The following MACROD2 variants were observed in gnomAD, a reference collection of about 807,000 sequenced individuals.
The protein encoded by MACROD2 is mono-ADP ribosylhydrolase 2, also known as ADP-ribose glycohydrolase MACROD2.
MACROD2 carries 36 observed loss-of-function variants against 70.4 expected under a neutral mutation model. The ratio of observed to expected loss-of-function variants is 0.51; its 90% confidence interval spans 0.39 to 0.68. The LOEUF is 0.68. Among genes scored for constraint, MACROD2 ranks in the 30% least tolerant of loss-of-function variants. The pLI, the probability that MACROD2 is intolerant of heterozygous loss-of-function variation, is 0.00. For missense variants in MACROD2, 496 were observed against 538.4 expected (o/e 0.92, Z 0.78); for synonymous variants, 172 against 178.8 (o/e 0.96, Z 0.30).
chr20:15,991,236 C>CT (rs1192327546), intron 15 of MACROD2, among the ~76,000 whole-genome samples: 2 of 152,178 alleles, frequency 1.3e-5, no homozygotes, highest in African/African-American at 2.4e-5. Context: ...TGGGAAACAT[C>CT]TTTTTTTGCA....
At chr20:15,968,795 G>A (rs2066181030) in intron 13 of MACROD2, among the ~76,000 whole-genome samples, 5 of 69,756 alleles carry the variant, frequency 7.2e-5, no homozygotes, top group African/African-American at 9.5e-5. Flanking sequence ...TATATATTAT[G>A]CGTATATATA....
At chr20:15,202,614 A>G (rs1223160427) in intron 5 of MACROD2, among the ~76,000 whole-genome samples, 1 of 152,240 alleles carries the variant, frequency 6.6e-6, no homozygotes, top group South Asian at 2.1e-4. Context: ...AGCATATAAA[A>G]GAAAGGAAAG....
intron 5 of MACROD2, among the ~76,000 whole-genome samples, chr20:15,058,770 C>T (rs1344308617): frequency 6.6e-6 from 1 of 152,050 alleles, no homozygotes; most frequent in Non-Finnish European, 1.5e-5. Context: ...AAAATGTAAC[C>T]ATCTGTCCAA....
chr20:14,348,259 A>C (rs1261506582), intron 3 of MACROD2, among the ~76,000 whole-genome samples: 3 of 128,190 alleles, frequency 2.3e-5, no homozygotes, highest in Admixed American at 8.7e-5. Flanking sequence ...TCAGAGCAAG[A>C]CTCCGTCTCA....
At chr20:14,358,077 A>T (rs1388593226) in intron 3 of MACROD2, among the ~76,000 whole-genome samples, 1 of 152,248 alleles carries the variant, frequency 6.6e-6, no homozygotes, top group Non-Finnish European at 1.5e-5. Context: ...CATTTTAAAA[A>T]GCAAAGACCA....
chr20:14,358,071 T>G (rs1055630872), intron 3 of MACROD2, among the ~76,000 whole-genome samples: 20 of 152,232 alleles, frequency 1.3e-4, no homozygotes, highest in African/African-American at 4.8e-4. Context: ...ATTGTTCATT[T>G]TAAAAAGCAA....
At position 15,872,952 on chromosome 20, in the gene MACROD2, A is replaced by T. The variant is rs182320570; in HGVS notation, c.727+10126A>T. 3.3e-5 allele frequency among the ~76,000 whole-genome samples: 5 copies of T among 152,292 alleles called. No homozygotes were observed. In the East Asian group the frequency reaches 7.7e-4, roughly 24 times the overall value. ...TCACATCATTATGAATTCTTCCATA[A>T]CTTAATTTTAATAGACCCAAAGTTT... On this transcript the variant is annotated intron_variant, in intron 9 of 17. Coordinates refer to ENST00000684519, the MANE Select transcript of MACROD2 (RefSeq NM_001351661.2).
intron 6 of MACROD2, among the ~76,000 whole-genome samples, chr20:15,389,179 G>A (rs2045759222): frequency 6.6e-6 from 1 of 152,078 alleles, no homozygotes; most frequent in African/African-American, 2.4e-5. Context: ...CAAGAACCTA[G>A]GGTTGCCAGA....
intron 4 of MACROD2, among the ~76,000 whole-genome samples, chr20:14,568,748 A>G (rs1401797761): frequency 6.6e-6 from 1 of 152,046 alleles, no homozygotes; most frequent in African/African-American, 2.4e-5. Flanking sequence ...GGGCAAGGAA[A>G]TATTATGCTT....
rs371187202 is a variant in MACROD2, at chr20:14,485,515, C to A, written c.272-7964C>A. On this transcript the variant is annotated intron_variant, in intron 3 of 17. Transcript: ENST00000684519. ...GGGAAATCAGGATCATCCTGGCTAACACGGTGAAACCCCGTCTCTACTAAA... is the reference window on the plus strand; with the variant it reads ...GGGAAATCAGGATCATCCTGGCTAAAACGGTGAAACCCCGTCTCTACTAAA... 9.9e-5 allele frequency among the ~76,000 whole-genome samples: 15 copies of A among 152,084 alleles called. 1 individual carries two copies. The East Asian group carries it at 1.5e-3, about 16-fold the overall frequency.
At chr20:15,446,945 T>C (rs2046573952) in intron 7 of MACROD2, among the ~76,000 whole-genome samples, 1 of 152,178 alleles carries the variant, frequency 6.6e-6, no homozygotes, top group Non-Finnish European at 1.5e-5. Flanking sequence ...AACAGTGATA[T>C]GCATCGAGTG....
chr20:15,832,626 A>G (rs1351320633), intron 8 of MACROD2, among the ~76,000 whole-genome samples: 2 of 152,242 alleles, frequency 1.3e-5, no homozygotes, highest in Non-Finnish European at 2.9e-5. Flanking sequence ...GGCTTCTGTC[A>G]GTTATTCATG....
rs1389805148 is a variant in MACROD2, at chr20:15,046,797, T to A, written c.419-183143T>A. Among the ~76,000 whole-genome samples the A allele has an allele frequency of 1.3e-5, 2 of 152,200 alleles. 1 individual carries two copies. The highest frequency in any genetic ancestry group is 2.9e-5 in the Non-Finnish European group (2 of 68,022). On this transcript the variant is annotated intron_variant, in intron 5 of 17. Transcript: ENST00000684519. ...CTGTCTACTCTTTCCACGCCTAGGT[T>A]ATAAATTACTCAGTTGTAGCTATTA...
intron 4 of MACROD2, among the ~76,000 whole-genome samples, chr20:14,640,033 C>A (rs755672452): frequency 5.3e-5 from 8 of 152,120 alleles, no homozygotes; most frequent in African/African-American, 9.7e-5. Context: ...TTTTTTGGTA[C>A]TTCGGGGTTA....
chr20:15,999,168 T>A (rs2066675101), intron 15 of MACROD2, among the ~76,000 whole-genome samples: 1 of 152,184 alleles, frequency 6.6e-6, no homozygotes, highest in African/African-American at 2.4e-5. Context: ...CTGCATCTTG[T>A]AAGTTTTGTT....
chr20:14,847,243 G>A (rs1423041014), intron 5 of MACROD2, among the ~76,000 whole-genome samples: 3 of 152,100 alleles, frequency 2.0e-5, no homozygotes, highest in African/African-American at 4.8e-5. Context: ...GTTTAGGAAC[G>A]TGCTGCCATA....
At chr20:15,336,252 A>G (rs972592819) in intron 6 of MACROD2, among the ~76,000 whole-genome samples, 1 of 151,536 alleles carries the variant, frequency 6.6e-6, no homozygotes, top group African/African-American at 2.4e-5. Flanking sequence ...CTTTTAGATG[A>G]AGCTCAGTAG....
At chr20:14,121,968 A>T (rs1226377133) in intron 3 of MACROD2, among the ~76,000 whole-genome samples, 4 of 152,110 alleles carry the variant, frequency 2.6e-5, no homozygotes, top group Admixed American at 1.3e-4. Flanking sequence ...TTTTCCTTTT[A>T]ATTTAGAGAC....
intron 2 of MACROD2, chr20:14,051,808 G>A (rs757924435): frequency 2.2e-6 from 1 of 462,872 alleles, no homozygotes; most frequent in African/African-American, 2.0e-5. Flanking sequence ...GAGGTTTGTA[G>A]TGGTATTCTG....
Sources: gnomAD v4.1 joint callset for allele counts (sites outside exome capture counted in the v4.1 genomes callset) on GRCh38, gnomAD v4.1.1 for gene constraint, MANE v1.5 for transcripts, NCBI Gene and HGNC (gene_info 2026-07-23, HGNC 2026-07-21) for gene names.